Variants in PRKD1 observed in about 807,000 individuals in gnomAD.
PRKD1 encodes protein kinase D1, also known as serine/threonine-protein kinase D1.
In PRKD1, 63 loss-of-function variants were observed where a neutral mutation model predicts 95.9. That is an observed-to-expected ratio of 0.66 (90% confidence interval 0.54 to 0.81). PRKD1 has a LOEUF of 0.81. Among genes scored for constraint, PRKD1 ranks in the 30% least tolerant of loss-of-function variants. The pLI, the probability that PRKD1 is intolerant of heterozygous loss-of-function variation, is 0.00. For synonymous variants in PRKD1, 425 were observed against 423.1 expected, an observed-to-expected ratio of 1.00 and a Z score of -0.05; for missense variants, 1,048 against 1,165.3, an observed-to-expected ratio of 0.90 and a Z score of 1.47.
chr14:29,886,888 C>T (rs951495017), intron 1 of PRKD1, among the ~76,000 whole-genome samples: 5 of 152,122 alleles, frequency 3.3e-5, no homozygotes, highest in African/African-American at 9.7e-5. Context: ...GTGAGCCTAA[C>T]GAGAAAACAT....
chr14:29,710,369 T>C (rs538689655), intron 2 of PRKD1, among the ~76,000 whole-genome samples: 1 of 152,180 alleles, frequency 6.6e-6, no homozygotes, highest in Non-Finnish European at 1.5e-5. Context: ...GTGGATATCA[T>C]GTACCCCTAT....
chr14:29,779,541 C>T (rs1245960582), intron 1 of PRKD1, among the ~76,000 whole-genome samples: 6 of 152,086 alleles, frequency 3.9e-5, no homozygotes, highest in African/African-American at 1.4e-4. Flanking sequence ...TTCACAATTG[C>T]TTCAAAGAGA....
chr14:29,826,748 T>TATATATACATATATATATACAC, intron 1 of PRKD1, among the ~76,000 whole-genome samples: 1 of 30,174 alleles, frequency 3.3e-5, no homozygotes, highest in African/African-American at 1.7e-4. Flanking sequence ...TATATACACA[T>TATATATACATATATATATACAC]ATATATATAC....
chr14:29,781,677 A>G (rs1436253003), intron 1 of PRKD1, among the ~76,000 whole-genome samples: 1 of 152,250 alleles, frequency 6.6e-6, no homozygotes, highest in Non-Finnish European at 1.5e-5. Context: ...ACCCAAAAGA[A>G]TGAGAAATGT....
At chr14:29,667,169 C>T (rs1882568705) in intron 2 of PRKD1, among the ~76,000 whole-genome samples, 1 of 152,022 alleles carries the variant, frequency 6.6e-6, no homozygotes, top group Non-Finnish European at 1.5e-5. Flanking sequence ...TAGCACAGTA[C>T]AGCACCTGGC....
At chr14:29,790,578 G>A (rs1356432059) in intron 1 of PRKD1, among the ~76,000 whole-genome samples, 1 of 151,994 alleles carries the variant, frequency 6.6e-6, no homozygotes, top group African/African-American at 2.4e-5. Context: ...CAATGTCTAT[G>A]CTAGTTTTTA....
intron 16 of PRKD1, among the ~76,000 whole-genome samples, chr14:29,585,011 C>T (rs569513554): frequency 5.5e-4 from 83 of 152,248 alleles, no homozygotes; most frequent in African/African-American, 1.9e-3. Flanking sequence ...GGTGATAGAG[C>T]CTTCGCCAAT....
chr14:29,693,351 T>G (rs1427284916), intron 2 of PRKD1, among the ~76,000 whole-genome samples: 1 of 152,056 alleles, frequency 6.6e-6, no homozygotes, highest in Non-Finnish European at 1.5e-5. Context: ...TATTCTTTGC[T>G]GCAAGTTTGG....
intron 1 of PRKD1, among the ~76,000 whole-genome samples, chr14:29,826,027 G>A (rs898717720): frequency 2.0e-5 from 3 of 151,558 alleles, no homozygotes; most frequent in African/African-American, 7.3e-5. Context: ...CATGTTTATA[G>A]TAGCACAATT....
At chr14:29,723,317 T>G (rs1408823795) in intron 2 of PRKD1, among the ~76,000 whole-genome samples, 1 of 152,062 alleles carries the variant, frequency 6.6e-6, no homozygotes, top group African/African-American at 2.4e-5. Flanking sequence ...ATCACTCAAC[T>G]CCTCAACTAA....
chr14:29,832,378 GCATTTCTCCATTGACATGTT>G (rs1891444674), intron 1 of PRKD1, among the ~76,000 whole-genome samples: 4 of 152,102 alleles, frequency 2.6e-5, no homozygotes, highest in African/African-American at 9.7e-5. Context: ...TATCATGCAT[GCATTTCTCCATTGACATGTT>G]TGCATTTCTC....
At chr14:29,602,325 T>C (rs942879106) in intron 13 of PRKD1, among the ~76,000 whole-genome samples, 3 of 151,996 alleles carry the variant, frequency 2.0e-5, no homozygotes, top group African/African-American at 7.2e-5. Context: ...GATCTTAGAT[T>C]CTGAAAGTTG....
At chr14:29,915,071 T>A (rs1353100256) in intron 1 of PRKD1, among the ~76,000 whole-genome samples, 1 of 152,194 alleles carries the variant, frequency 6.6e-6, no homozygotes. Context: ...CAGAACCTGC[T>A]CAGAATCAGT....
intron 1 of PRKD1, among the ~76,000 whole-genome samples, chr14:29,890,152 C>T (rs1285726080): frequency 2.0e-5 from 3 of 152,212 alleles, no homozygotes; most frequent in Non-Finnish European, 4.4e-5. Flanking sequence ...ATGCAGTTCT[C>T]TCCAGAATAA....
chr14:29,705,162 TTTTATCCCTGAAA>T (rs1271278187), intron 2 of PRKD1, among the ~76,000 whole-genome samples: 2 of 152,126 alleles, frequency 1.3e-5, no homozygotes, highest in African/African-American at 2.4e-5. Flanking sequence ...ACTATCCTTA[TTTTATCCCTGAAA>T]TTTATCCCTG....
chr14:29,886,665 C>T (rs777265484), intron 1 of PRKD1, among the ~76,000 whole-genome samples: 1 of 152,160 alleles, frequency 6.6e-6, no homozygotes, highest in Non-Finnish European at 1.5e-5. Flanking sequence ...TCCTTTCAGC[C>T]AATTCTCTTA....
chr14:29,884,519 G>A (rs531171160), intron 1 of PRKD1, among the ~76,000 whole-genome samples: 50 of 152,142 alleles, frequency 3.3e-4, no homozygotes, highest in Middle Eastern at 6.8e-3. Flanking sequence ...AAATAACAAA[G>A]ATGATTTTCC....
At chr14:29,676,488 G>A (rs1450768931) in intron 2 of PRKD1, among the ~76,000 whole-genome samples, 1 of 152,132 alleles carries the variant, frequency 6.6e-6, no homozygotes, top group Non-Finnish European at 1.5e-5. Flanking sequence ...CCGAATAGCT[G>A]GGTTTACAGG....
rs897134646 is a variant in PRKD1, at chr14:29,701,608, A to T, written c.403+23928T>A. Among the ~76,000 whole-genome samples, 4 of 152,308 alleles carry T rather than the reference A, an allele frequency of 2.6e-5. No individual in the cohort carries two copies. In the East Asian group the frequency reaches 5.8e-4, roughly 22 times the overall value. The stretch of plus-strand genomic sequence containing the variant: ...TTACTTGTTATTTTTTTGAATAATT[A>T]GTTGGTACCCTAATTATTTCCAGTG... On this transcript the variant is annotated intron_variant, in intron 2 of 17. Coordinates refer to ENST00000331968, the MANE Select transcript of PRKD1 (RefSeq NM_002742.3).
Sources: gnomAD v4.1 joint callset for allele counts (sites outside exome capture counted in the v4.1 genomes callset) on GRCh38, gnomAD v4.1.1 for gene constraint, MANE v1.5 for transcripts, NCBI Gene and HGNC (gene_info 2026-07-23, HGNC 2026-07-21) for gene names.